Variants in FGF12 observed in about 807,000 individuals in gnomAD.
FGF12 encodes the protein fibroblast growth factor 12, also known as fibroblast growth factor 12B.
FGF12 carries 14 observed loss-of-function variants against 23.6 expected under a neutral mutation model. The observed-to-expected ratio is 0.59, with a 90% CI of 0.39 to 0.93. The LOEUF is 0.93. Ranked by LOEUF, FGF12 falls within the 40% of genes least tolerant of loss-of-function variation. The pLI is 0.00. For missense variants in FGF12, 175 were observed against 217.8 expected, an observed-to-expected ratio of 0.80 and a Z score of 1.24; for synonymous variants, 62 against 77.3, an observed-to-expected ratio of 0.80 and a Z score of 1.04.
rs1000181146 is a variant in FGF12, at chr3:192,514,016, A to G, written c.14-153478T>C. On this transcript the variant is annotated intron_variant, in intron 2 of 5. Coordinates refer to ENST00000445105, the MANE Select transcript of FGF12 (RefSeq NM_004113.6). This position sits in a 1 kb window ranked among gnomAD's most constrained non-coding sequence, Gnocchi z 4.9. ...AGTTTGGTGGGGTTTTTTTCATTCA[A>G]TTTTTAATGGCCTTTCTCAATATCT... is the stretch of plus-strand genomic sequence containing the variant. Among the ~76,000 whole-genome samples, 1 of 152,128 alleles carries G rather than the reference A, an allele frequency of 6.6e-6. No individual in the cohort carries two copies. Among genetic ancestry groups the G allele is most frequent in the Admixed American group, 6.5e-5 (1 of 15,274 alleles).
At chr3:192,427,661 T>C (rs533663995) in intron 2 of FGF12, among the ~76,000 whole-genome samples, 5 of 152,336 alleles carry the variant, frequency 3.3e-5, no homozygotes, top group Admixed American at 6.5e-5. Context: ...CCCAGTAGTA[T>C]GTGTTTCTGG....
At chr3:192,589,506 A>G (rs1291508412) in intron 2 of FGF12, among the ~76,000 whole-genome samples, 3 of 151,936 alleles carry the variant, frequency 2.0e-5, no homozygotes, top group Non-Finnish European at 4.4e-5. Flanking sequence ...TAACAAGAGG[A>G]AAAACACTGC....
intron 2 of FGF12, among the ~76,000 whole-genome samples, chr3:192,506,050 T>TA (rs1373600591): frequency 6.6e-6 from 1 of 152,200 alleles, no homozygotes; most frequent in East Asian, 1.9e-4. Flanking sequence ...TTAAGTGTAT[T>TA]ACAGTTGGGC....
intron 2 of FGF12, among the ~76,000 whole-genome samples, chr3:192,637,367 A>T (rs1407986237): frequency 1.3e-5 from 2 of 152,210 alleles, no homozygotes; most frequent in African/African-American, 4.8e-5. Flanking sequence ...CAAAATTTGT[A>T]TCATATTTGT....
At chr3:192,556,404 A>G (rs935799092) in intron 2 of FGF12, among the ~76,000 whole-genome samples, 10 of 152,320 alleles carry the variant, frequency 6.6e-5, no homozygotes, top group African/African-American at 2.4e-4. Context: ...TTCAAGTAAA[A>G]AACTGTTATA....
At position 192,500,445 on chromosome 3, in the gene FGF12, C is replaced by CA. The variant is rs202129635; in HGVS notation, c.14-139908_14-139907insT. Among the ~76,000 whole-genome samples the CA allele has an allele frequency of 4.6e-5, 7 of 151,774 alleles. No homozygotes were observed. In the East Asian group the frequency reaches 1.4e-3, roughly 29 times the overall value. On this transcript the variant is annotated intron_variant, in intron 2 of 5. Coordinates refer to ENST00000445105, the MANE Select transcript of FGF12 (RefSeq NM_004113.6). ...ATATAATAAATCCAACATCCCCCCA[C>CA]CCGCCACACACACACAGAATAGTCA...
At chr3:192,451,344 A>C (rs980948938) in intron 2 of FGF12, among the ~76,000 whole-genome samples, 4 of 152,214 alleles carry the variant, frequency 2.6e-5, no homozygotes, top group African/African-American at 9.7e-5. Context: ...ATTTAAAGAC[A>C]GCTGAAAGAA....
chr3:192,292,484 A>G (rs1165116960), intron 4 of FGF12, among the ~76,000 whole-genome samples: 1 of 152,180 alleles, frequency 6.6e-6, no homozygotes, highest in Non-Finnish European at 1.5e-5. Flanking sequence ...GAAAATGGAA[A>G]CATCTGAGTC....
chr3:192,477,640 G>T (rs542108676), intron 2 of FGF12, among the ~76,000 whole-genome samples: 2 of 152,310 alleles, frequency 1.3e-5, no homozygotes, highest in East Asian at 3.9e-4. Flanking sequence ...GAGAATGGGA[G>T]TGGAGAGAGG....
intron 4 of FGF12, among the ~76,000 whole-genome samples, chr3:192,225,244 T>A (rs1039232299): frequency 6.6e-6 from 1 of 152,138 alleles, no homozygotes; most frequent in Non-Finnish European, 1.5e-5. Context: ...AGTATGCTCA[T>A]CCTCCTGCTC....
intron 3 of FGF12, among the ~76,000 whole-genome samples, chr3:192,338,381 C>T (rs1360620266): frequency 1.3e-5 from 2 of 152,146 alleles, no homozygotes; most frequent in Non-Finnish European, 2.9e-5. Flanking sequence ...TCCATTTTTG[C>T]CTTCTTGCAA....
intron 2 of FGF12, among the ~76,000 whole-genome samples, chr3:192,664,374 C>T (rs137924118): frequency 8.1e-4 from 123 of 151,964 alleles, no homozygotes; most frequent in African/African-American, 2.7e-3. Context: ...AGGACCTTGG[C>T]GCTTCTGATT....
chr3:192,449,821 C>A (rs898641739), intron 2 of FGF12, among the ~76,000 whole-genome samples: 3 of 152,190 alleles, frequency 2.0e-5, no homozygotes, highest in Non-Finnish European at 4.4e-5. Context: ...ATGCCCTCTC[C>A]AAGGGAGTCT....
chr3:192,665,290 T>C (rs953328436), intron 2 of FGF12, among the ~76,000 whole-genome samples: 3 of 152,042 alleles, frequency 2.0e-5, no homozygotes, highest in East Asian at 3.9e-4. Context: ...GGAACAATTA[T>C]AGGAAAAGGT....
intron 4 of FGF12, among the ~76,000 whole-genome samples, chr3:192,318,855 AC>A (rs1716377814): frequency 6.6e-6 from 1 of 152,130 alleles, no homozygotes; most frequent in African/African-American, 2.4e-5. Context: ...AAAAAGAAAT[AC>A]AAAAAACATA....
intron 2 of FGF12, among the ~76,000 whole-genome samples, chr3:192,631,871 C>T (rs1275854568): frequency 6.6e-6 from 1 of 152,192 alleles, no homozygotes; most frequent in Non-Finnish European, 1.5e-5. Context: ...GGGGTCTTCA[C>T]ATGCTAGTGG....
At chr3:192,669,363 G>A (rs762982205) in intron 2 of FGF12, among the ~76,000 whole-genome samples, 15 of 152,010 alleles carry the variant, frequency 9.9e-5, no homozygotes, top group African/African-American at 1.9e-4. Context: ...TGAGGTGGGC[G>A]GATCATGAAG....
intron 2 of FGF12, among the ~76,000 whole-genome samples, chr3:192,546,333 A>T (rs1469505046): frequency 6.6e-6 from 1 of 152,150 alleles, no homozygotes; most frequent in Non-Finnish European, 1.5e-5. Flanking sequence ...CATCACTAAT[A>T]CTTTAGGTGC....
chr3:192,646,811 A>G (rs961864726), intron 2 of FGF12, among the ~76,000 whole-genome samples: 3 of 152,150 alleles, frequency 2.0e-5, no homozygotes, highest in Non-Finnish European at 2.9e-5. Flanking sequence ...CAACTCTACG[A>G]ATATACTGAA....
Sources: gnomAD v4.1 joint callset for allele counts (sites outside exome capture counted in the v4.1 genomes callset) on GRCh38, gnomAD v4.1.1 for gene constraint, Gnocchi (gnomAD v3.1) non-coding constraint, MANE v1.5 for transcripts, NCBI Gene and HGNC (gene_info 2026-07-23, HGNC 2026-07-21) for gene names.